Variants in ITGA9 observed in about 807,000 individuals in gnomAD.
ITGA9 encodes integrin alpha-9.
A neutral mutation model predicts 127.8 loss-of-function variants in ITGA9; 56 were observed. The ratio of observed to expected loss-of-function variants is 0.44; its 90% CI spans 0.35 to 0.55. The LOEUF (loss-of-function observed/expected upper bound fraction) is 0.55, where lower values mean the gene tolerates loss of function less well. Among genes scored for constraint, ITGA9 ranks in the 20% least tolerant of loss-of-function variants. ITGA9 has a pLI of 0.00. For synonymous variants in ITGA9, 508 were observed against 514.5 expected, an observed-to-expected ratio of 0.99 and a Z score of 0.17; for missense variants, 1,196 against 1,347.1, an observed-to-expected ratio of 0.89 and a Z score of 1.76.
At chr3:37,740,191 G>C (rs1696416317) in intron 20 of ITGA9, among the ~76,000 whole-genome samples, 1 of 152,120 alleles carries the variant, frequency 6.6e-6, no homozygotes, top group Non-Finnish European at 1.5e-5. Flanking sequence ...GGCTTGGAGG[G>C]GGCAGAGAGA....
intron 23 of ITGA9, among the ~76,000 whole-genome samples, chr3:37,767,604 T>A (rs1218952102): frequency 2.6e-5 from 4 of 152,194 alleles, no homozygotes; most frequent in African/African-American, 9.7e-5. Flanking sequence ...AACTCTTTAT[T>A]TGAACACTGA....
chr3:37,633,915 T>C (rs893353937), intron 16 of ITGA9, among the ~76,000 whole-genome samples: 3 of 152,230 alleles, frequency 2.0e-5, no homozygotes, highest in Non-Finnish European at 4.4e-5. Flanking sequence ...GAATGCATAC[T>C]ACCTTCACAC....
intron 15 of ITGA9, among the ~76,000 whole-genome samples, chr3:37,589,886 A>T (rs1160146374): frequency 2.0e-5 from 3 of 152,130 alleles, no homozygotes; most frequent in Admixed American, 1.3e-4. Context: ...GGGACAAATG[A>T]CATGACCTTC....
intron 18 of ITGA9, among the ~76,000 whole-genome samples, chr3:37,722,952 A>G (rs1428556160): frequency 1.3e-5 from 2 of 152,222 alleles, no homozygotes. Flanking sequence ...TAATGGTTCC[A>G]GTTTGTCCAC....
At position 37,823,034 on chromosome 3, in the gene ITGA9, A is replaced by G. The variant is rs1293402562; in HGVS notation, c.*4045A>G. On this transcript the variant is annotated 3_prime_UTR_variant, in exon 28 of 28. Transcript: ENST00000264741. ...TAGAATAATAATATACACAGTGGAG[A>G]ATATTCAAAGAGTGGCTGAAGGGAG... 3 of 151,476 alleles carry G rather than the reference A, an allele frequency of 2.0e-5. No individual in the cohort carries two copies. Among genetic ancestry groups the G allele is most frequent in the Non-Finnish European group, 2.9e-5 (2 of 68,040 alleles). The allele number at this position is 151,476 out of a possible 1,614,324, so 9.4% of individuals were successfully genotyped here.
chr3:37,645,045 G>T (rs980650162), intron 16 of ITGA9, among the ~76,000 whole-genome samples: 2 of 151,994 alleles, frequency 1.3e-5, no homozygotes, highest in African/African-American at 4.8e-5. Flanking sequence ...GAATTGGGAG[G>T]GAGAAACCTC....
intron 26 of ITGA9, among the ~76,000 whole-genome samples, chr3:37,791,560 G>A (rs1697110373): frequency 6.6e-6 from 1 of 152,220 alleles, no homozygotes; most frequent in Non-Finnish European, 1.5e-5. Flanking sequence ...CCTGGACACT[G>A]GACACAGCTA....
intron 17 of ITGA9, among the ~76,000 whole-genome samples, chr3:37,658,422 C>G (rs1700499091): frequency 1.3e-5 from 2 of 152,102 alleles, no homozygotes; most frequent in Non-Finnish European, 2.9e-5. Flanking sequence ...TTGCATGATC[C>G]CTTCACCATT....
intron 18 of ITGA9, among the ~76,000 whole-genome samples, chr3:37,715,929 A>C (rs974545292): frequency 6.6e-6 from 1 of 152,210 alleles, no homozygotes; most frequent in Admixed American, 6.5e-5. Flanking sequence ...ATGTAAAAAT[A>C]ATTTGTTAGG....
At chr3:37,801,209 C>T (rs1245116834) in intron 26 of ITGA9, among the ~76,000 whole-genome samples, 1 of 151,820 alleles carries the variant, frequency 6.6e-6, no homozygotes, top group East Asian at 1.9e-4. Context: ...AAACCAGGTA[C>T]TGTAGTTCAT....
chr3:37,534,274 C>T (rs1171564962), intron 14 of ITGA9, among the ~76,000 whole-genome samples: 1 of 152,230 alleles, frequency 6.6e-6, no homozygotes, highest in African/African-American at 2.4e-5. Context: ...CCTGAACCTA[C>T]TGACGTTCTT....
At chr3:37,778,306 G>A (rs1575233452) in intron 24 of ITGA9, among the ~76,000 whole-genome samples, 1 of 152,126 alleles carries the variant, frequency 6.6e-6, no homozygotes, top group African/African-American at 2.4e-5. Context: ...AGTCCTCCAG[G>A]TATAAACACA....
chr3:37,680,949 G>T (rs1004705662), intron 17 of ITGA9, among the ~76,000 whole-genome samples: 38 of 152,106 alleles, frequency 2.5e-4, no homozygotes, highest in African/African-American at 9.2e-4. Flanking sequence ...TTCACATCTT[G>T]TTTGGATCCT....
rs577063962 is a variant in ITGA9 at position 37,737,891 on chromosome 3, AT to A, written c.2234+916del. On this transcript the variant is annotated intron_variant, in intron 20 of 27. Transcript: ENST00000264741. ...TATTTTATCATCCTCTTTCTATATA[AT>A]TTTTTTTGTTAACCATGTGAAAGTT... is the stretch of plus-strand genomic sequence containing the variant. Among the ~76,000 whole-genome samples the A allele has an allele frequency of 2.6e-5, 4 of 152,036 alleles. No homozygotes were observed. The South Asian group carries it at 6.2e-4, about 24-fold the overall frequency.
chr3:37,602,658 A>G (rs1337237114), intron 15 of ITGA9, among the ~76,000 whole-genome samples: 1 of 152,004 alleles, frequency 6.6e-6, no homozygotes, highest in Non-Finnish European at 1.5e-5. Context: ...TACAGAGTGA[A>G]TGGGTTCATC....
chr3:37,459,595 A>G (rs1347138298), intron 1 of ITGA9, among the ~76,000 whole-genome samples: 1 of 152,248 alleles, frequency 6.6e-6, no homozygotes, highest in Non-Finnish European at 1.5e-5. Context: ...AGGGAACACA[A>G]GCATTCAGTC....
chr3:37,645,424 G>A (rs536366738), intron 16 of ITGA9, among the ~76,000 whole-genome samples: 3 of 152,178 alleles, frequency 2.0e-5, no homozygotes, highest in Non-Finnish European at 2.9e-5. Flanking sequence ...AAAAATTAGC[G>A]GGGCATGGTG....
chr3:37,760,440 C>T (rs996212999), intron 23 of ITGA9, among the ~76,000 whole-genome samples: 1 of 151,948 alleles, frequency 6.6e-6, no homozygotes, highest in Non-Finnish European at 1.5e-5. Context: ...TGGTTGAAGC[C>T]CCAGAGGCCT....
Position 37,542,735 on chromosome 3 carries a change from A to C in ITGA9, c.1689+150A>C, listed in dbSNP as rs1050217376. On this transcript the variant is annotated intron_variant, in intron 15 of 27. Transcript: ENST00000264741. ...GCATATCCATTTCTTCTTTTCTTTT[A>C]AAGTTGGCCTCTGACAGCCCTTTTA... 4.6e-5 allele frequency: 39 copies of C among 845,342 alleles called. No individual in the cohort carries two copies. The African/African-American group carries it at 6.5e-4, about 14-fold the overall frequency. 52.4% of individuals were successfully genotyped at this position (845,342 alleles called of 1,614,324 possible). A position where few individuals can be genotyped will look rare whatever the true frequency, so the allele number is the denominator to read the frequency against.
Sources: allele counts gnomAD v4.1 joint callset (sites outside exome capture counted in the v4.1 genomes callset), GRCh38; gene constraint gnomAD v4.1.1; transcripts MANE v1.5; gene names NCBI Gene and HGNC (gene_info 2026-07-23, HGNC 2026-07-21).